PCSK2: variants seen among roughly 807,000 people sequenced by gnomAD.
PCSK2 encodes the protein proprotein convertase subtilisin/kexin type 2, also known as neuroendocrine convertase 2.
A neutral mutation model predicts 69.7 loss-of-function variants in PCSK2; 14 were observed. That is an observed-to-expected ratio of 0.20 (90% CI 0.13 to 0.31). The LOEUF is 0.31. PCSK2 is among the 10% of genes least tolerant of loss of function. The probability of loss-of-function intolerance (pLI) is 1.00; values close to 1 mark genes in which losing one functional copy is unlikely to be tolerated. For missense variants in PCSK2, 544 were observed against 842.5 expected (o/e 0.65, Z 4.39); for synonymous variants, 307 against 320.7 (o/e 0.96, Z 0.46).
chr20:17,436,173 C>G (rs1026130479), intron 7 of PCSK2, among the ~76,000 whole-genome samples: 6 of 152,112 alleles, frequency 3.9e-5, no homozygotes, highest in Non-Finnish European at 2.9e-5. Flanking sequence ...CTCCGAAGTC[C>G]CTCTCAGCTA....
intron 2 of PCSK2, among the ~76,000 whole-genome samples, chr20:17,270,217 T>C (rs1449115879): frequency 6.6e-6 from 1 of 152,152 alleles, no homozygotes; most frequent in Non-Finnish European, 1.5e-5. Context: ...TAATACTCTT[T>C]AGAACTCTTT....
chr20:17,330,342 C>G (rs1256187940), intron 2 of PCSK2, among the ~76,000 whole-genome samples: 1 of 151,866 alleles, frequency 6.6e-6, no homozygotes. Flanking sequence ...ACCTGTAATC[C>G]CAGCACTTTG....
At chr20:17,349,044 G>A (rs2029895079) in intron 2 of PCSK2, among the ~76,000 whole-genome samples, 1 of 152,152 alleles carries the variant, frequency 6.6e-6, no homozygotes, top group Non-Finnish European at 1.5e-5. Flanking sequence ...GAAAATAACT[G>A]AGATAATGTA....
At chr20:17,377,824 A>G (rs2030971602) in intron 5 of PCSK2, among the ~76,000 whole-genome samples, 1 of 152,242 alleles carries the variant, frequency 6.6e-6, no homozygotes, top group African/African-American at 2.4e-5. Context: ...TTTTTACAGA[A>G]ACATACTTTG....
At position 17,453,797 on chromosome 20, in the gene PCSK2, A is replaced by G; in HGVS notation, c.941A>G (p.Tyr314Cys). Residue 314 changes from tyrosine to cysteine, a missense_variant, in exon 9 of 12, where the codon TAT becomes TGT. This residue lies in a region of PCSK2 where 187 missense variants were observed against 399.8 expected (regional missense o/e 0.47). Coordinates refer to ENST00000262545, the MANE Select transcript of PCSK2 (RefSeq NM_002594.5). The surrounding 1 kb of genome is among the most constrained non-coding windows in gnomAD (Gnocchi z 4.0). Reference sequence around the variant, plus strand: ...TGGGCCTCCGGGGACGGCGGCAGCTATGACGACTGCAACTGCGACGGCTAC... The same window carrying G: ...TGGGCCTCCGGGGACGGCGGCAGCTGTGACGACTGCAACTGCGACGGCTAC... ...YVWASGDGGS[Y>C]DDCNCDGYAS... 6.2e-7 allele frequency: 1 copy of G among 1,614,150 alleles called. No homozygotes were observed. The highest frequency in any genetic ancestry group is 8.5e-7 in the Non-Finnish European group (1 of 1,180,004).
rs528368746 is a variant in PCSK2 at position 17,399,014 on chromosome 20, G to A, written c.544-10249G>A. On this transcript the variant is annotated intron_variant, in intron 5 of 11. Transcript: ENST00000262545. ...CAGCAATTTGCTATTGTACAATGGGGGCAAACAGTTGGTGCTCAATAAATT... is the reference window on the plus strand; with the variant it reads ...CAGCAATTTGCTATTGTACAATGGGAGCAAACAGTTGGTGCTCAATAAATT... Among the ~76,000 whole-genome samples, 4 of 152,226 alleles carry A rather than the reference G, an allele frequency of 2.6e-5. No individual in the cohort carries two copies. The East Asian group carries it at 7.7e-4, about 29-fold the overall frequency.
chr20:17,459,053 T>G (rs1004150271), intron 10 of PCSK2, among the ~76,000 whole-genome samples: 1 of 152,194 alleles, frequency 6.6e-6, no homozygotes, highest in African/African-American at 2.4e-5. Flanking sequence ...GTGGTCCACA[T>G]GCTGGACTGG....
intron 5 of PCSK2, among the ~76,000 whole-genome samples, chr20:17,383,445 C>T (rs568767702): frequency 7.0e-4 from 106 of 152,238 alleles, no homozygotes; most frequent in Non-Finnish European, 1.4e-3. Context: ...GCCTCTCTAT[C>T]CAAGACTGCC....
intron 5 of PCSK2, among the ~76,000 whole-genome samples, chr20:17,404,815 C>T (rs910714376): frequency 2.0e-5 from 3 of 152,296 alleles, no homozygotes; most frequent in Non-Finnish European, 2.9e-5. Context: ...AAACTCTTTC[C>T]GATAAAAGGC....
At chr20:17,409,403 G>A in intron 6 of PCSK2, 64 bp downstream of exon 6, 1 of 1,147,876 alleles carries the variant, frequency 8.7e-7, no homozygotes, top group Non-Finnish European at 1.3e-6. Flanking sequence ...ACTTTGTTTT[G>A]TTTCAGGCTT....
intron 5 of PCSK2, among the ~76,000 whole-genome samples, chr20:17,399,606 C>T (rs956117277): frequency 2.0e-5 from 3 of 152,136 alleles, no homozygotes; most frequent in African/African-American, 4.8e-5. Context: ...CATGGGGGCA[C>T]TTAGCAGAGA....
At chr20:17,411,882 G>A (rs954977064) in intron 6 of PCSK2, among the ~76,000 whole-genome samples, 15 of 152,230 alleles carry the variant, frequency 9.9e-5, no homozygotes, top group African/African-American at 3.6e-4. Flanking sequence ...CTCTGCTGGT[G>A]ATACCCAGGC....
intron 2 of PCSK2, among the ~76,000 whole-genome samples, chr20:17,328,619 T>A (rs189678395): frequency 6.6e-6 from 1 of 152,092 alleles, no homozygotes; most frequent in African/African-American, 2.4e-5. Context: ...AAGGGTGCTA[T>A]GTATGGTAAA....
chr20:17,429,019 A>AAAAAAAAAAAAAT, intron 6 of PCSK2, among the ~76,000 whole-genome samples: 1 of 149,558 alleles, frequency 6.7e-6, no homozygotes, highest in African/African-American at 2.4e-5. Context: ...AAAAAAAAAA[A>AAAAAAAAAAAAAT]AAAAAAAAAA....
At chr20:17,451,057 A>G (rs2032812746) in intron 8 of PCSK2, among the ~76,000 whole-genome samples, 1 of 152,198 alleles carries the variant, frequency 6.6e-6, no homozygotes. Flanking sequence ...TTTTGGTGCT[A>G]AAACCCAATC....
intron 2 of PCSK2, among the ~76,000 whole-genome samples, chr20:17,338,283 G>A (rs533976544): frequency 4.6e-5 from 7 of 151,512 alleles, no homozygotes; most frequent in African/African-American, 1.5e-4. Context: ...TGCAACCTCC[G>A]CCTCCCAGGT....
At chr20:17,268,973 CA>C (rs1987749846) in intron 2 of PCSK2, among the ~76,000 whole-genome samples, 1 of 152,126 alleles carries the variant, frequency 6.6e-6, no homozygotes, top group Non-Finnish European at 1.5e-5. Flanking sequence ...AGTGAGAAGG[CA>C]AAGGTGACTC....
At chr20:17,426,528 C>T (rs560225790) in intron 6 of PCSK2, among the ~76,000 whole-genome samples, 1 of 152,280 alleles carries the variant, frequency 6.6e-6, no homozygotes, top group Admixed American at 6.5e-5. Context: ...GAGAACAGAA[C>T]CAGTAGGATG....
intron 5 of PCSK2, 78 bp downstream of exon 5, chr20:17,369,355 C>A: frequency 9.6e-7 from 1 of 1,045,264 alleles, no homozygotes; most frequent in Non-Finnish European, 1.5e-6. Context: ...GGAACATGCA[C>A]ATGTCTACAT....
Sources: allele counts gnomAD v4.1 joint callset (sites outside exome capture counted in the v4.1 genomes callset), GRCh38; gene constraint gnomAD v4.1.1; regional missense constraint gnomAD v4.1.1; non-coding constraint Gnocchi (gnomAD v3.1); transcripts MANE v1.5; gene names NCBI Gene and HGNC (gene_info 2026-07-23, HGNC 2026-07-21).